Variants in ZNF83 observed in about 807,000 individuals in gnomAD.
The protein encoded by ZNF83 is zinc finger protein 816B.
For missense variants in ZNF83, 552 were observed against 629.9 expected (o/e 0.88, Z 1.32); for synonymous variants, 209 against 213.0 (o/e 0.98, Z 0.17).
intron 3 of ZNF83, among the ~76,000 whole-genome samples, chr19:52,649,066 A>G (rs992375575): frequency 6.6e-6 from 1 of 152,148 alleles, no homozygotes; most frequent in Non-Finnish European, 1.5e-5. Flanking sequence ...CCCACTGTCC[A>G]GAACCCACCC....
chr19:52,629,158 T>C (rs2060856968), intron 2 of ZNF83, among the ~76,000 whole-genome samples: 1 of 152,126 alleles, frequency 6.6e-6, no homozygotes, highest in South Asian at 2.1e-4. Flanking sequence ...TGGACCCCAA[T>C]ACAAACTCGA....
chr19:52,626,485 A>G (rs1213169789), intron 2 of ZNF83, among the ~76,000 whole-genome samples: 2 of 152,188 alleles, frequency 1.3e-5, no homozygotes, highest in Admixed American at 6.5e-5. Flanking sequence ...ATCATTACAC[A>G]GGACCCATCT....
chr19:52,662,470 C>A (rs919901048), intron 1 of ZNF83, among the ~76,000 whole-genome samples: 1 of 151,616 alleles, frequency 6.6e-6, no homozygotes, highest in Non-Finnish European at 1.5e-5. Flanking sequence ...TGAAATGACA[C>A]GATATGGAAG....
At chr19:52,644,975 A>C (rs2061353819) in intron 3 of ZNF83, among the ~76,000 whole-genome samples, 1 of 144,670 alleles carries the variant, frequency 6.9e-6, no homozygotes, top group African/African-American at 2.6e-5. Flanking sequence ...TCACCATTGC[A>C]CTCCAGTCTG....
At chr19:52,631,626 G>A (rs542733148) in intron 2 of ZNF83, among the ~76,000 whole-genome samples, 95 of 152,174 alleles carry the variant, frequency 6.2e-4, no homozygotes, top group African/African-American at 2.0e-3. Flanking sequence ...ACTTCAATCC[G>A]GCCTCCCACA....
chr19:52,629,711 C>G (rs1218588708), intron 2 of ZNF83, among the ~76,000 whole-genome samples: 3 of 152,088 alleles, frequency 2.0e-5, no homozygotes, highest in African/African-American at 7.2e-5. Context: ...AAAAATCCAG[C>G]CCAGTTCATG....
chr19:52,675,945 A>T (rs1411056728), intron 1 of ZNF83, among the ~76,000 whole-genome samples: 2 of 152,134 alleles, frequency 1.3e-5, no homozygotes, highest in Non-Finnish European at 1.5e-5. Flanking sequence ...TAATCCCACC[A>T]CTTTGGGAGG....
chr19:52,675,098 G>A (rs527372366), intron 1 of ZNF83, among the ~76,000 whole-genome samples: 1 of 152,170 alleles, frequency 6.6e-6, no homozygotes, highest in African/African-American at 2.4e-5. Context: ...GTCACTGAAG[G>A]CTGACAAATC....
At chr19:52,676,406 G>A (rs551231940) in intron 1 of ZNF83, among the ~76,000 whole-genome samples, 2,312 of 152,086 alleles carry the variant, frequency 0.015, 39 homozygotes, top group African/African-American at 0.049. Context: ...CCGCCACCCC[G>A]TCTGGGAAGT....
chr19:52,616,332 T>C (rs1383180486), intron 2 of ZNF83, among the ~76,000 whole-genome samples: 1 of 152,208 alleles, frequency 6.6e-6, no homozygotes, highest in Admixed American at 6.5e-5. Context: ...CAGACATTTC[T>C]TAAAAGTGGA....
chr19:52,661,911 CAG>C (rs3055333), intron 1 of ZNF83, among the ~76,000 whole-genome samples: 39,267 of 151,934 alleles, frequency 0.26, 5,316 homozygotes, highest in Middle Eastern at 0.35. Context: ...GCTGATGGGA[CAG>C]AGAGTCCTAG....
chr19:52,650,747 T>C (rs1381821892), intron 3 of ZNF83: 1 of 152,230 alleles, frequency 6.6e-6, no homozygotes, highest in African/African-American at 2.4e-5. Flanking sequence ...TTTTTGCTAC[T>C]TCCTAAGGCT....
upstream of ZNF83, among the ~76,000 whole-genome samples, chr19:52,642,750 T>C (rs1304077197): frequency 2.6e-5 from 4 of 152,292 alleles, no homozygotes; most frequent in South Asian, 2.1e-4. Context: ...TAGTGGTGCA[T>C]GTCTGTGTGT....
At chr19:52,686,751 T>C (rs1337358113) in intron 1 of ZNF83, among the ~76,000 whole-genome samples, 4 of 152,078 alleles carry the variant, frequency 2.6e-5, no homozygotes, top group African/African-American at 9.7e-5. Flanking sequence ...TTTTGTATTT[T>C]TCATAGAGAC....
At chr19:52,620,218 GTGTGTA>G (rs1241155163) in intron 2 of ZNF83, among the ~76,000 whole-genome samples, 4 of 137,672 alleles carry the variant, frequency 2.9e-5, no homozygotes, top group Non-Finnish European at 6.2e-5. Context: ...ATATACGTAT[GTGTGTA>G]TGTGTATATG....
intron 1 of ZNF83, among the ~76,000 whole-genome samples, chr19:52,680,606 A>ATTT (rs556558292): frequency 0.037 from 3,326 of 88,848 alleles, 89 homozygotes; most frequent in African/African-American, 0.074. Flanking sequence ...TCCACAAAAT[A>ATTT]TTTTTTTTTT....
At chr19:52,632,969 C>A (rs1220869098) in intron 2 of ZNF83, among the ~76,000 whole-genome samples, 1 of 152,126 alleles carries the variant, frequency 6.6e-6, no homozygotes, top group East Asian at 1.9e-4. Context: ...CTCCATACCA[C>A]CCCCAAAAAT....
intron 1 of ZNF83, among the ~76,000 whole-genome samples, chr19:52,677,399 T>C (rs1341432149): frequency 4.6e-5 from 7 of 151,370 alleles, no homozygotes; most frequent in Non-Finnish European, 7.4e-5. Flanking sequence ...GGCAGGAGAA[T>C]TGCTTGAACC....
At chr19:52,618,607 G>A (rs2060408078) in intron 2 of ZNF83, 2 of 316,912 alleles carry the variant, frequency 6.3e-6, no homozygotes, top group African/African-American at 2.2e-5. Context: ...ATGTTGGTGA[G>A]GCTAGTATCG....
Sources: allele counts gnomAD v4.1 joint callset (sites outside exome capture counted in the v4.1 genomes callset), GRCh38; gene constraint gnomAD v4.1.1; transcripts MANE v1.5; gene names NCBI Gene and HGNC (gene_info 2026-07-23, HGNC 2026-07-21).